The following NACAD variants were observed in gnomAD, a reference collection of about 807,000 sequenced individuals.
The protein encoded by NACAD is NAC-alpha domain-containing protein 1.
In NACAD, 47 loss-of-function variants were observed where a neutral mutation model predicts 98.9. The ratio of observed to expected loss-of-function variants is 0.48; its 90% confidence interval spans 0.38 to 0.61. NACAD has a LOEUF of 0.61. Among genes scored for constraint, NACAD ranks in the 20% least tolerant of loss-of-function variants. The pLI, the probability that NACAD is intolerant of heterozygous loss-of-function variation, is 0.00. For synonymous variants in NACAD, 696 were observed against 767.2 expected, an observed-to-expected ratio of 0.91 and a Z score of 1.53; for missense variants, 1,412 against 1,748.2, an observed-to-expected ratio of 0.81 and a Z score of 3.43.
In NACAD at chr7:45,088,719, A is replaced by AG; in HGVS notation, c.67+108dup. On this transcript the variant is annotated intron_variant, in intron 1 of 7. Coordinates refer to ENST00000490531, the MANE Select transcript of NACAD (RefSeq NM_001146334.2). This position sits in a 1 kb window ranked among gnomAD's most constrained non-coding sequence, Gnocchi z 5.7. ...GGGCGCGGAAAGGGGAGGGGACTCG[A>AG]GGGGGGCCAGGGGGATGGGGGAGAG... 1.4e-6 allele frequency: 1 copy of AG among 692,344 alleles called. No homozygotes were observed. The highest frequency in any genetic ancestry group is 1.8e-6 in the Non-Finnish European group (1 of 548,660). The allele number at this position is 692,344 out of a possible 1,614,324, so 42.9% of individuals were successfully genotyped here.
Position 45,081,232 on chromosome 7 carries a change from T to C in NACAD, c.4289A>G (p.Gln1430Arg), listed in dbSNP as rs1447315156. The C allele has an allele frequency of 1.9e-6, 3 of 1,551,322 alleles. No homozygotes were observed. The highest frequency in any genetic ancestry group is 2.6e-6 in the Non-Finnish European group (3 of 1,147,004). Residue 1430 changes from glutamine to arginine, a missense_variant, in exon 5 of 8, where the codon CAG becomes CGG. Around this residue, in one of 5 missense-constraint regions of NACAD, gnomAD observed 42 missense variants for 82.5 expected, o/e 0.51. Coordinates refer to ENST00000490531, the MANE Select transcript of NACAD (RefSeq NM_001146334.2). ...AMSKLGLRQI[Q>R]GVTRITIQKS... ...CTGGATGGTGATCCTGGTGACTCCC[T>C]GAATCTGCCGCAAGCCCAGCTTTGA...
intron 4 of NACAD, 98 bp from the exon 5 acceptor site, chr7:45,081,361 A>C (rs995421683): frequency 1.6e-5 from 24 of 1,472,002 alleles, no homozygotes; most frequent in Middle Eastern, 2.2e-4. Context: ...CTCCACCGCC[A>C]ACTTCCCCAA....
rs1033848653 is a variant in NACAD at position 45,082,690 on chromosome 7, C to G, written c.3490G>C (p.Asp1164His). 6.6e-7 allele frequency: 1 copy of G among 1,513,394 alleles called. No homozygotes were observed. The highest frequency in any genetic ancestry group is 1.3e-5 in the South Asian group (1 of 77,376). The allele number at this position is 1,513,394 out of a possible 1,614,324, so 93.7% of individuals were successfully genotyped here. Residue 1164 changes from aspartate (D) to histidine (H), a missense_variant, in exon 2 of 8, where the codon GAC becomes CAC. Asp to His is a moderately conservative substitution (Grantham distance 81). Coordinates refer to ENST00000490531, the MANE Select transcript of NACAD (RefSeq NM_001146334.2). The surrounding 1 kb of genome is among the most constrained non-coding windows in gnomAD (Gnocchi z 4.5). The stretch of plus-strand genomic sequence containing the variant: ...GCAGGCGCGTCAGGGCAGCCTCTGT[C>G]CAGACTGGACACAGCCCCTACTGAA... ...ESSVGAVSSL[D>H]RGCPDAPAPT...
rs933503916 is a variant in NACAD at position 45,088,813 on chromosome 7, T to G, written c.67+15A>C. ...GGAGAGGCTGAAGGCAGGGAAAGAG[T>G]GGCCACGGCCTCACCTGTGCGGGGC... On this transcript the variant is annotated intron_variant, in intron 1 of 7. Transcript: ENST00000490531. The surrounding 1 kb of genome is among the most constrained non-coding windows in gnomAD (Gnocchi z 5.7). 6.8e-7 allele frequency: 1 copy of G among 1,478,018 alleles called. No homozygotes were observed. The highest frequency in any genetic ancestry group is 1.4e-5 in the African/African-American group (1 of 69,058). 91.6% of individuals were successfully genotyped at this position (1,478,018 alleles called of 1,614,324 possible).
At chr7:45,081,310 G>T in intron 4 of NACAD, 47 bp from the exon 5 acceptor site, 1 of 1,542,092 alleles carries the variant, frequency 6.5e-7, no homozygotes, top group Non-Finnish European at 8.7e-7. Context: ...GTTGACCCAC[G>T]TCGGGGGAGG....
At chr7:45,086,198 T>A (rs933738592) in intron 1 of NACAD, 86 bp from the exon 2 acceptor site, 1 of 1,405,908 alleles carries the variant, frequency 7.1e-7, no homozygotes, top group Admixed American at 2.2e-5. Context: ...TCCGGCTGCA[T>A]AGGGCCCAGA....
At position 45,082,594 on chromosome 7, in the gene NACAD, C is replaced by T. The variant is rs775826435; in HGVS notation, c.3586G>A (p.Glu1196Lys). ...LGLGSVEQPH[E>K]VPSVLGTPLL... ...GGGGTGCCAAGGACACTGGGTACTT[C>T]GTGGGGTTGCTCAACACTGCCCAGA... Residue 1196 changes from glutamate to lysine, a missense_variant, in exon 2 of 8, where the codon GAA (glutamate) becomes AAA (lysine). This residue lies in a region of NACAD where 572 missense variants were observed against 639.6 expected (regional missense o/e 0.89). Coordinates refer to ENST00000490531, the MANE Select transcript of NACAD (RefSeq NM_001146334.2). The surrounding 1 kb of genome is among the most constrained non-coding windows in gnomAD (Gnocchi z 4.5). The T allele has an allele frequency of 1.2e-5, 19 of 1,539,076 alleles. No homozygotes were observed. The highest frequency in any genetic ancestry group is 7.4e-5 in the East Asian group (3 of 40,790).
At position 45,081,267 on chromosome 7, in the gene NACAD, G is replaced by C. The variant is rs1220964579; in HGVS notation, c.4258-4C>G. On this transcript the variant is annotated splice_polypyrimidine_tract_variant and splice_region_variant and intron_variant, in intron 4 of 7. Coordinates refer to ENST00000490531, the MANE Select transcript of NACAD (RefSeq NM_001146334.2). The stretch of plus-strand genomic sequence containing the variant: ...GCAAGCCCAGCTTTGACATTGCCTG[G>C]GAGTAGAGGGCAGAGGGGGGCTCAG... 1.9e-6 allele frequency: 3 copies of C among 1,550,950 alleles called. No individual in the cohort carries two copies. The highest frequency in any genetic ancestry group is 2.6e-6 in the Non-Finnish European group (3 of 1,146,924).
chr7:45,083,707 T>G lies in NACAD; in HGVS notation c.2473A>C (p.Ile825Leu), dbSNP rs532163773. ...CCCTCTTCAGCCTGCTGGGACACAA[T>G]CGTGGCTGCAGCCACAGGCTTTGGG... ...SAPKPVAAAT[I>L]VSQQAEEGLT... Residue 825 changes from isoleucine to leucine, a missense_variant, in exon 2 of 8, where the codon ATT (isoleucine) becomes CTT (leucine). Ile to Leu is a conservative substitution (Grantham distance 5). Around this residue, in one of 5 missense-constraint regions of NACAD, gnomAD observed 72 missense variants for 198.0 expected, o/e 0.36. Transcript: ENST00000490531. The G allele has an allele frequency of 4.3e-5, 7 of 163,776 alleles. 1 individual carries two copies. In the African/African-American group the frequency reaches 1.3e-3, roughly 30 times the overall value. 10.1% of individuals were successfully genotyped at this position (163,776 alleles called of 1,614,324 possible).
At position 45,080,488 on chromosome 7, in the gene NACAD, G is replaced by A. The variant is rs374896006; in HGVS notation, c.*21C>T. On this transcript the variant is annotated 3_prime_UTR_variant, in exon 8 of 8. Transcript: ENST00000490531. ...CAGAGCTGAGGGAAGGCGTAGGATGGCTCCAGCTTCCGGTCAGTGGCTACA... is the reference window on the plus strand; with the variant it reads ...CAGAGCTGAGGGAAGGCGTAGGATGACTCCAGCTTCCGGTCAGTGGCTACA... The A allele has an allele frequency of 1.9e-4, 297 of 1,551,300 alleles. No individual in the cohort carries two copies. The highest frequency in any genetic ancestry group is 2.5e-4 in the Non-Finnish European group (286 of 1,146,898).
rs1784420738 is a variant in NACAD, at chr7:45,080,952, G to A, written c.4475C>T (p.Ala1492Val). ...EKFKVPSEPSALVPESAPRPR... is the reference protein window; with the variant it reads ...EKFKVPSEPSVLVPESAPRPR... ...CCTGGGTGCTGACTCAGGGACCAAG[G>A]CTGAGGGCTCTGAGGGCACCTTAAA... The change falls in exon 6 of 8, where the codon GCC becomes GTC. Residue 1492 changes from alanine (A) to valine (V), a missense_variant. Ala to Val is a moderately conservative substitution (Grantham distance 64, BLOSUM62 0). Around this residue, in one of 5 missense-constraint regions of NACAD, gnomAD observed 88 missense variants for 105.4 expected, o/e 0.84. Coordinates refer to ENST00000490531, the MANE Select transcript of NACAD (RefSeq NM_001146334.2). The A allele has an allele frequency of 1.3e-6, 2 of 1,552,130 alleles. No individual in the cohort carries two copies. Among genetic ancestry groups the A allele is most frequent in the Non-Finnish European group, 8.7e-7 (1 of 1,147,314 alleles).
chr7:45,085,443 T>A lies in NACAD; in HGVS notation c.737A>T (p.Asp246Val). ...LSLLAPAEGL[D>V]FPSGWGLSPQ... Reference sequence around the variant, plus strand: ...GGACAGGCCCCAGCCTGAGGGGAAGTCCAGCCCTTCAGCCGGAGCCAGCAG... The same window carrying A: ...GGACAGGCCCCAGCCTGAGGGGAAGACCAGCCCTTCAGCCGGAGCCAGCAG... The change falls in exon 2 of 8, where the codon GAC becomes GTC. Residue 246 changes from aspartate (D) to valine (V), a missense_variant. By Grantham distance (152) the Asp-to-Val change is radical. Coordinates refer to ENST00000490531, the MANE Select transcript of NACAD (RefSeq NM_001146334.2). This position sits in a 1 kb window ranked among gnomAD's most constrained non-coding sequence, Gnocchi z 6.1. The A allele has an allele frequency of 6.5e-7, 1 of 1,549,074 alleles. No homozygotes were observed. The highest frequency in any genetic ancestry group is 1.4e-5 in the African/African-American group (1 of 73,074).
rs1784563331 is a variant in NACAD, at chr7:45,088,939, C to A, written c.-45G>T. On this transcript the variant is annotated 5_prime_UTR_variant, in exon 1 of 8. Coordinates refer to ENST00000490531, the MANE Select transcript of NACAD (RefSeq NM_001146334.2). This position sits in a 1 kb window ranked among gnomAD's most constrained non-coding sequence, Gnocchi z 5.7. Reference sequence around the variant, plus strand: ...CCGTCCCTCAGTCCTTCCGACCCTCCGTCAGTCCGTGCCGCCGCCCCGCCG... The same window carrying A: ...CCGTCCCTCAGTCCTTCCGACCCTCAGTCAGTCCGTGCCGCCGCCCCGCCG... 1.5e-6 allele frequency: 2 copies of A among 1,290,352 alleles called. No individual in the cohort carries two copies. Among genetic ancestry groups the A allele is most frequent in the East Asian group, 3.2e-5 (1 of 31,576 alleles). The allele number at this position is 1,290,352 out of a possible 1,614,324, so 79.9% of individuals were successfully genotyped here.
rs2128640726 is a variant in NACAD at position 45,083,333 on chromosome 7, C to T, written c.2847G>A (p.Gln949=). 2.6e-6 allele frequency: 4 copies of T among 1,551,292 alleles called. No individual in the cohort carries two copies. The highest frequency in any genetic ancestry group is 2.4e-5 in the East Asian group (1 of 40,924). The stretch of plus-strand genomic sequence containing the variant: ...TCCCTGGGGCACAGCCTGCTTCTGC[C>T]TGCAAGGTTTGAGGGGTGGCCACAG... ...PLAVATPQTL[Q]AEAGCAPGTE... Residue 949 remains glutamine, a synonymous_variant, in exon 2 of 8, where the codon CAG becomes CAA. Transcript: ENST00000490531.
rs765958904 is a variant in NACAD, at chr7:45,085,806, G to A, written c.374C>T (p.Thr125Met). Reference sequence around the variant, plus strand: ...TCTGGGTGACAGGAGGGCCTGGCACGTCTCCTCTCCCATCACAATCCGGGG... The same window carrying A: ...TCTGGGTGACAGGAGGGCCTGGCACATCTCCTCTCCCATCACAATCCGGGG... ...LEPRIVMGEE[T>M]CQALLSPRAA... Residue 125 changes from threonine to methionine, a missense_variant, in exon 2 of 8, where the codon ACG (threonine) becomes ATG (methionine). Thr to Met is a moderately conservative substitution (Grantham distance 81). This residue lies in a region of NACAD where 638 missense variants were observed against 722.7 expected (regional missense o/e 0.88). Transcript: ENST00000490531. The surrounding 1 kb of genome is among the most constrained non-coding windows in gnomAD (Gnocchi z 6.1). 4.4e-5 allele frequency: 68 copies of A among 1,539,292 alleles called. No individual in the cohort carries two copies. The highest frequency in any genetic ancestry group is 5.6e-5 in the Non-Finnish European group (64 of 1,140,990).
chr7:45,085,915 C>T lies in NACAD; in HGVS notation c.265G>A (p.Gly89Ser). The change falls in exon 2 of 8, where the codon GGC becomes AGC. Residue 89 changes from glycine to serine, a missense_variant. Gly to Ser is a moderately conservative substitution (Grantham distance 56, BLOSUM62 0). Around this residue, in one of 5 missense-constraint regions of NACAD, gnomAD observed 638 missense variants for 722.7 expected, o/e 0.88. Coordinates refer to ENST00000490531, the MANE Select transcript of NACAD (RefSeq NM_001146334.2). The surrounding 1 kb of genome is among the most constrained non-coding windows in gnomAD (Gnocchi z 6.1). Reference sequence around the variant, plus strand: ...GGGAGGAGCATGGGGCTTGGGCCGCCCTCCCCTGGGTCCGCCCAGGCCGAG... The same window carrying T: ...GGGAGGAGCATGGGGCTTGGGCCGCTCTCCCCTGGGTCCGCCCAGGCCGAG... ...APSAWADPGE[G>S]GPSPMLLPEG... 1 of 1,545,916 alleles carries T rather than the reference C, an allele frequency of 6.5e-7. No homozygotes were observed. Among genetic ancestry groups the T allele is most frequent in the South Asian group, 1.2e-5 (1 of 83,542 alleles).
rs1784486210 is a variant in NACAD at position 45,084,807 on chromosome 7, A to T, written c.1373T>A (p.Leu458Gln). 6.4e-7 allele frequency: 1 copy of T among 1,550,838 alleles called. No individual in the cohort carries two copies. The highest frequency in any genetic ancestry group is 8.7e-7 in the Non-Finnish European group (1 of 1,146,928). The change falls in exon 2 of 8, where the codon CTG becomes CAG. Residue 458 changes from leucine to glutamine, a missense_variant. Transcript: ENST00000490531. ...APQTSDRGAY[L>Q]SQRQELISEV... is the part of the protein sequence containing the mutation. ...TGAGATCAATTCCTGTCTCTGGGAC[A>T]GATAGGCCCCTCTGTCTGAGGTCTG...
chr7:45,080,481 T>A lies in NACAD; in HGVS notation c.*28A>T. 1 of 1,551,350 alleles carries A rather than the reference T, an allele frequency of 6.4e-7. No homozygotes were observed. The highest frequency in any genetic ancestry group is 1.2e-5 in the South Asian group (1 of 84,060). On this transcript the variant is annotated 3_prime_UTR_variant, in exon 8 of 8. Transcript: ENST00000490531. ...TGAGTAGCAGAGCTGAGGGAAGGCG[T>A]AGGATGGCTCCAGCTTCCGGTCAGT... is the stretch of plus-strand genomic sequence containing the variant.
Position 45,082,867 on chromosome 7 carries a change from C to T in NACAD, c.3313G>A (p.Asp1105Asn), listed in dbSNP as rs915008094. ...SALGGAREVP[D>N]APPAACPEVS... is the part of the protein sequence containing the mutation. ...TCAGGGCAGGCAGCAGGAGGCGCAT[C>T]GGGGACCTCCCTTGCACCTCCAAGT... The change falls in exon 2 of 8, where the codon GAT (aspartate) becomes AAT (asparagine). Residue 1105 changes from aspartate to asparagine, a missense_variant. By Grantham distance (23) the Asp-to-Asn change is conservative. Transcript: ENST00000490531. This position sits in a 1 kb window ranked among gnomAD's most constrained non-coding sequence, Gnocchi z 4.5. The T allele has an allele frequency of 2.0e-5, 31 of 1,550,030 alleles. No individual in the cohort carries two copies. The African/African-American group carries it at 3.6e-4, about 18-fold the overall frequency.
Sources: gnomAD v4.1 joint callset for allele counts on GRCh38, gnomAD v4.1.1 for gene constraint, gnomAD v4.1.1 regional missense constraint, Gnocchi (gnomAD v3.1) non-coding constraint, MANE v1.5 for transcripts, NCBI Gene and HGNC (gene_info 2026-07-23, HGNC 2026-07-21) for gene names.